UBE2E2: variants seen among roughly 807,000 people sequenced by gnomAD.
The protein encoded by UBE2E2 is ubiquitin conjugating enzyme E2 E2, also known as ubiquitin-conjugating enzyme E2 E2.
A neutral mutation model predicts 24.7 loss-of-function variants in UBE2E2; 6 were observed. That is an observed-to-expected ratio of 0.24 (90% confidence interval 0.13 to 0.48). The LOEUF is 0.48. Among genes scored for constraint, UBE2E2 ranks in the 20% least tolerant of loss-of-function variants. UBE2E2 has a pLI of 0.99. For missense variants in UBE2E2, 169 were observed against 245.0 expected (o/e 0.69, Z 2.07); for synonymous variants, 104 against 83.6 (o/e 1.24, Z -1.33).
At chr3:23,230,829 T>C (rs1452806010) in intron 3 of UBE2E2, among the ~76,000 whole-genome samples, 3 of 151,698 alleles carry the variant, frequency 2.0e-5, no homozygotes, top group Admixed American at 1.3e-4. Flanking sequence ...TTATTTTTCC[T>C]GGAGAGGTGA....
chr3:23,271,992 G>A lies in UBE2E2; in HGVS notation c.227+54680G>A, dbSNP rs1046280016. On this transcript the variant is annotated intron_variant, in intron 3 of 5. Coordinates refer to ENST00000396703, the MANE Select transcript of UBE2E2 (RefSeq NM_152653.4). ...GCCTAGTGGATCCCGCGCCAGGGCCGTGGGTGGAGCTGCCCACCAGTCCCG... is the reference window on the plus strand; with the variant it reads ...GCCTAGTGGATCCCGCGCCAGGGCCATGGGTGGAGCTGCCCACCAGTCCCG... Among the ~76,000 whole-genome samples, 10 of 152,336 alleles carry A rather than the reference G, an allele frequency of 6.6e-5. 1 individual carries two copies. The highest frequency in any genetic ancestry group is 2.0e-4 in the Admixed American group (3 of 15,308).
chr3:23,556,390 C>T (rs997455888), intron 5 of UBE2E2, among the ~76,000 whole-genome samples: 21 of 146,342 alleles, frequency 1.4e-4, no homozygotes, highest in Admixed American at 1.4e-3. Flanking sequence ...ATCCACCCGC[C>T]TCGACCTCCC....
chr3:23,517,270 C>T (rs1694763652), intron 4 of UBE2E2, among the ~76,000 whole-genome samples: 1 of 152,158 alleles, frequency 6.6e-6, no homozygotes, highest in South Asian at 2.1e-4. Flanking sequence ...AAAATCTCAA[C>T]TCTGCAATTA....
intron 3 of UBE2E2, among the ~76,000 whole-genome samples, chr3:23,221,599 T>C (rs577224281): frequency 6.6e-6 from 1 of 152,332 alleles, no homozygotes; most frequent in South Asian, 2.1e-4. Flanking sequence ...CAAAGTGTAA[T>C]ATTTTCAAGG....
chr3:23,350,042 C>T (rs1202391682), intron 3 of UBE2E2, among the ~76,000 whole-genome samples: 2 of 152,190 alleles, frequency 1.3e-5, no homozygotes, highest in Non-Finnish European at 2.9e-5. Flanking sequence ...ACAAAACTTC[C>T]AAAGGAACGA....
chr3:23,441,996 T>C (rs1698317079), intron 3 of UBE2E2, among the ~76,000 whole-genome samples: 1 of 152,224 alleles, frequency 6.6e-6, no homozygotes, highest in South Asian at 2.1e-4. Context: ...CTAGTGTTCA[T>C]ATTGTTAGTT....
intron 3 of UBE2E2, among the ~76,000 whole-genome samples, chr3:23,263,156 T>G (rs558549334): frequency 6.6e-6 from 1 of 152,324 alleles, no homozygotes; most frequent in South Asian, 2.1e-4. Context: ...AACTCTGTAC[T>G]TAACACACTG....
intron 3 of UBE2E2, among the ~76,000 whole-genome samples, chr3:23,417,029 C>A (rs1395459501): frequency 6.6e-6 from 1 of 152,124 alleles, no homozygotes; most frequent in Admixed American, 6.5e-5. Flanking sequence ...TTGTTTTACC[C>A]ACCTTCTGAA....
At chr3:23,309,662 T>A (rs796309010) in intron 3 of UBE2E2, among the ~76,000 whole-genome samples, 8 of 152,232 alleles carry the variant, frequency 5.3e-5, no homozygotes, top group African/African-American at 1.9e-4. Context: ...TGAATATATA[T>A]ATAATCTTTG....
chr3:23,511,536 T>A (rs2125465562), intron 4 of UBE2E2, among the ~76,000 whole-genome samples: 1 of 152,248 alleles, frequency 6.6e-6, no homozygotes, highest in East Asian at 1.9e-4. Flanking sequence ...GATTTGGGAG[T>A]TAGCAGACAC....
At chr3:23,316,931 G>A (rs1694597424) in intron 3 of UBE2E2, among the ~76,000 whole-genome samples, 3 of 152,096 alleles carry the variant, frequency 2.0e-5, no homozygotes, top group Non-Finnish European at 2.9e-5. Context: ...GGGACCTCAG[G>A]ACTCTCTCTG....
chr3:23,545,751 T>C (rs935647960), intron 5 of UBE2E2, among the ~76,000 whole-genome samples: 2 of 152,136 alleles, frequency 1.3e-5, no homozygotes, highest in Admixed American at 6.5e-5. Flanking sequence ...CGCAAAGATA[T>C]GGAACCAATC....
chr3:23,375,440 G>A (rs958917922), intron 3 of UBE2E2, among the ~76,000 whole-genome samples: 1 of 152,158 alleles, frequency 6.6e-6, no homozygotes, highest in African/African-American at 2.4e-5. Context: ...GAATAAAGAG[G>A]TGAAAAACAC....
intron 3 of UBE2E2, among the ~76,000 whole-genome samples, chr3:23,378,981 A>C (rs1028568141): frequency 6.6e-6 from 1 of 152,034 alleles, no homozygotes; most frequent in Non-Finnish European, 1.5e-5. Context: ...CATTTGTGCA[A>C]CCCCTATGTT....
At chr3:23,415,964 A>G (rs1697619533) in intron 3 of UBE2E2, among the ~76,000 whole-genome samples, 1 of 151,664 alleles carries the variant, frequency 6.6e-6, no homozygotes, top group Non-Finnish European at 1.5e-5. Flanking sequence ...CTCATTGTTC[A>G]ACTCCCACTT....
chr3:23,581,362 A>T (rs1205840508), intron 5 of UBE2E2, among the ~76,000 whole-genome samples: 1 of 152,244 alleles, frequency 6.6e-6, no homozygotes, highest in African/African-American at 2.4e-5. Context: ...AGGAGGCTAG[A>T]AAGATAAAGT....
chr3:23,239,124 G>T (rs559797560), intron 3 of UBE2E2, among the ~76,000 whole-genome samples: 128 of 152,138 alleles, frequency 8.4e-4, no homozygotes, highest in Non-Finnish European at 1.6e-3. Context: ...AACAGTATGA[G>T]TTTAACATTT....
chr3:23,380,529 TTTC>T (rs1302999824), intron 3 of UBE2E2, among the ~76,000 whole-genome samples: 2 of 152,222 alleles, frequency 1.3e-5, no homozygotes, highest in African/African-American at 4.8e-5. Flanking sequence ...CCAGCCTCAC[TTTC>T]TTCTTTAGCA....
intron 3 of UBE2E2, among the ~76,000 whole-genome samples, chr3:23,321,506 G>A (rs1470435205): frequency 6.6e-6 from 1 of 151,766 alleles, no homozygotes; most frequent in Non-Finnish European, 1.5e-5. Context: ...TTGGGAAGCA[G>A]TATCTGCTGA....
Sources: allele counts gnomAD v4.1 joint callset (sites outside exome capture counted in the v4.1 genomes callset), GRCh38; gene constraint gnomAD v4.1.1; transcripts MANE v1.5; gene names NCBI Gene and HGNC (gene_info 2026-07-23, HGNC 2026-07-21).